RYR3: variants seen among roughly 807,000 people sequenced by gnomAD.
RYR3 encodes brain ryanodine receptor-calcium release channel.
In RYR3, 207 loss-of-function variants were observed where a neutral mutation model predicts 584.3. The ratio of observed to expected loss-of-function variants is 0.35; its 90% CI spans 0.32 to 0.40. The LOEUF (loss-of-function observed/expected upper bound fraction) is 0.40. Among genes scored for constraint, RYR3 ranks in the 10% least tolerant of loss-of-function variants. The probability of loss-of-function intolerance (pLI) is 1.00; values close to 1 mark genes in which losing one functional copy is unlikely to be tolerated. For synonymous variants in RYR3, 2,416 were observed against 2,248.5 expected (o/e 1.07, Z -2.11); for missense variants, 5,616 against 6,089.2 (o/e 0.92, Z 2.59).
At chr15:33,315,813 T>C (rs1193337107) in intron 1 of RYR3, among the ~76,000 whole-genome samples, 3 of 152,208 alleles carry the variant, frequency 2.0e-5, no homozygotes, top group Non-Finnish European at 4.4e-5. Flanking sequence ...AAGATTGCCA[T>C]GTCCAGGGTT....
Position 33,738,544 on chromosome 15 carries a change from T to C in RYR3, c.7610T>C (p.Leu2537Pro), listed in dbSNP as rs927320805. 2 of 1,613,852 alleles carry C rather than the reference T, an allele frequency of 1.2e-6. No individual in the cohort carries two copies. Among genetic ancestry groups the C allele is most frequent in the Non-Finnish European group, 1.7e-6 (2 of 1,179,874 alleles). The stretch of plus-strand genomic sequence containing the variant: ...CTAGCTGTGGAAGAAGAGCTGCACC[T>C]AACGGAGAAGCTTTTCTGGGGGATT... The part of the protein sequence containing the change: ...YGLAVEEELH[L>P]TEKLFWGIFD... The change falls in exon 50 of 104, where the codon CTA (leucine) becomes CCA (proline). Residue 2537 changes from leucine (L) to proline (P), a missense_variant. Physicochemically the swap from Leu to Pro is moderately conservative, Grantham distance 98. Coordinates refer to ENST00000634891, the MANE Select transcript of RYR3 (RefSeq NM_001036.6).
chr15:33,780,450 G>A, intron 65 of RYR3, 109 bp downstream of exon 65: 2 of 1,096,414 alleles, frequency 1.8e-6, no homozygotes, highest in Middle Eastern at 2.1e-4. Context: ...CTTGGTCTGA[G>A]AGGAGCCAGG....
chr15:33,853,544 CT>C lies in RYR3; in HGVS notation c.13672-8del, dbSNP rs1597038714. ...TGTGGCCTGAGCTCACCCTGTCATCCTTTGCTTCAGGTGATCAACAAGTATG... is the reference window on the plus strand; with the variant it reads ...TGTGGCCTGAGCTCACCCTGTCATCCTTGCTTCAGGTGATCAACAAGTATG... On this transcript the variant is annotated splice_polypyrimidine_tract_variant and intron_variant, in intron 95 of 103. Coordinates refer to ENST00000634891, the MANE Select transcript of RYR3 (RefSeq NM_001036.6). 2 of 1,612,346 alleles carry C rather than the reference CT, an allele frequency of 1.2e-6. No homozygotes were observed. Among genetic ancestry groups the C allele is most frequent in the Non-Finnish European group, 8.5e-7 (1 of 1,178,940 alleles).
intron 3 of RYR3, among the ~76,000 whole-genome samples, chr15:33,528,062 CG>C (rs1323197163): frequency 4.3e-4 from 66 of 152,150 alleles, no homozygotes; most frequent in Admixed American, 4.3e-3. Context: ...TTCATGGAAA[CG>C]GAATGAGACT....
At chr15:33,652,321 T>C (rs1354107676) in intron 31 of RYR3, among the ~76,000 whole-genome samples, 3 of 152,208 alleles carry the variant, frequency 2.0e-5, no homozygotes, top group Non-Finnish European at 4.4e-5. Flanking sequence ...AGACTTTTTT[T>C]CTGCCTCTTA....
chr15:33,680,500 C>CA (rs2064510381), intron 38 of RYR3, among the ~76,000 whole-genome samples: 5 of 152,138 alleles, frequency 3.3e-5, no homozygotes, highest in Non-Finnish European at 1.5e-5. Flanking sequence ...AGTTCTGGGC[C>CA]TCATATCCGT....
At chr15:33,860,520 T>C (rs1597105294) in intron 100 of RYR3, 75 bp from the exon 101 acceptor site, 3 of 838,676 alleles carry the variant, frequency 3.6e-6, no homozygotes, top group Middle Eastern at 2.3e-4. Flanking sequence ...CAGAACAAAG[T>C]AGCTTCTTCC....
chr15:33,844,960 C>A lies in RYR3; in HGVS notation c.13395C>A (p.Val4465=). 1 of 1,613,996 alleles carries A rather than the reference C, an allele frequency of 6.2e-7. No homozygotes were observed. Among genetic ancestry groups the A allele is most frequent in the Non-Finnish European group, 8.5e-7 (1 of 1,179,886 alleles). ...EEEEEAMVFF[V]LQESTGYMAP... is the part of the protein sequence containing the mutation. The stretch of plus-strand genomic sequence containing the variant: ...AGGAAGAAGCGATGGTATTCTTTGT[C>A]CTTCAGGAGAGCACCGGGTATATGG... The change falls in exon 93 of 104, where the codon GTC becomes GTA. Residue 4465 remains valine (V), a synonymous_variant. Transcript: ENST00000634891.
chr15:33,459,822 A>C (rs1484764273), intron 1 of RYR3, among the ~76,000 whole-genome samples: 1 of 152,192 alleles, frequency 6.6e-6, no homozygotes, highest in Non-Finnish European at 1.5e-5. Flanking sequence ...TAGGGAGGGG[A>C]AAGCTTCTCC....
intron 3 of RYR3, among the ~76,000 whole-genome samples, chr15:33,511,691 A>G (rs1049294600): frequency 1.3e-5 from 2 of 152,058 alleles, no homozygotes; most frequent in Admixed American, 1.3e-4. Context: ...GTCGCCAGGC[A>G]GTTTGTTTTA....
chr15:33,749,954 C>G, intron 55 of RYR3, 25 bp from the exon 56 acceptor site: 4 of 1,603,984 alleles, frequency 2.5e-6, no homozygotes, highest in Non-Finnish European at 3.4e-6. Context: ...TTCTTTTTGA[C>G]TTGGCTCTTC....
intron 1 of RYR3, among the ~76,000 whole-genome samples, chr15:33,319,065 GACCA>G (rs1248553610): frequency 6.6e-6 from 1 of 152,152 alleles, no homozygotes; most frequent in Non-Finnish European, 1.5e-5. Flanking sequence ...CATTGCACCC[GACCA>G]GTGACAGGTA....
chr15:33,709,186 G>T (rs1185626221), intron 43 of RYR3, among the ~76,000 whole-genome samples: 1 of 152,176 alleles, frequency 6.6e-6, no homozygotes, highest in Non-Finnish European at 1.5e-5. Context: ...TCCTTTCAAA[G>T]AATTTTCAGT....
chr15:33,323,297 AC>A (rs376610916), intron 1 of RYR3, among the ~76,000 whole-genome samples: 2,338 of 151,976 alleles, frequency 0.015, 67 homozygotes, highest in African/African-American at 0.053. Flanking sequence ...TTTAGTAGAG[AC>A]GGGGTTTCAC....
chr15:33,587,612 T>C (rs1341482241), intron 16 of RYR3, among the ~76,000 whole-genome samples: 6 of 152,240 alleles, frequency 3.9e-5, no homozygotes, highest in Admixed American at 3.3e-4. Flanking sequence ...GAGTAGCCTT[T>C]AATCTTCTAG....
intron 85 of RYR3, among the ~76,000 whole-genome samples, chr15:33,830,191 A>G (rs914277395): frequency 6.6e-6 from 1 of 152,220 alleles, no homozygotes; most frequent in Admixed American, 6.5e-5. Context: ...TGCGTCTTTC[A>G]TGAAAGGAAG....
At chr15:33,608,125 T>C (rs1053467546) in intron 18 of RYR3, among the ~76,000 whole-genome samples, 50 of 152,328 alleles carry the variant, frequency 3.3e-4, no homozygotes, top group African/African-American at 9.9e-4. Flanking sequence ...ATAATAATGG[T>C]ACCTTACAAA....
chr15:33,646,547 T>A, intron 29 of RYR3, 21 bp downstream of exon 29: 1 of 1,590,464 alleles, frequency 6.3e-7, no homozygotes, highest in Non-Finnish European at 8.6e-7. Flanking sequence ...GGCCTCCAGT[T>A]CTCAGAGGCA....
At chr15:33,330,572 C>A (rs2670944) in intron 1 of RYR3, among the ~76,000 whole-genome samples, 98,769 of 152,008 alleles carry the variant, frequency 0.65, 32,363 homozygotes, top group African/African-American at 0.72. Context: ...TCGTGATTCT[C>A]TTTGGTATCT....
Sources: allele counts gnomAD v4.1 joint callset (sites outside exome capture counted in the v4.1 genomes callset), GRCh38; gene constraint gnomAD v4.1.1; transcripts MANE v1.5; gene names NCBI Gene and HGNC (gene_info 2026-07-23, HGNC 2026-07-21).